The following GLRX2 variants were observed in gnomAD, a reference collection of about 807,000 sequenced individuals.
The protein encoded by GLRX2 is glutaredoxin 2.
A neutral mutation model predicts 16.4 loss-of-function variants in GLRX2; 12 were observed. That is an observed-to-expected ratio of 0.73 (90% CI 0.47 to 1.19). GLRX2 has a LOEUF of 1.19. Among genes scored for constraint, GLRX2 ranks in the 50% most tolerant of loss-of-function variants. GLRX2 has a pLI of 0.00. For missense variants in GLRX2, 201 were observed against 201.8 expected (o/e 1.00, Z 0.02); for synonymous variants, 95 against 76.2 (o/e 1.25, Z -1.28).
Position 193,101,195 on chromosome 1 carries a change from G to A in GLRX2, c.129C>T (p.Ser43=). The A allele has an allele frequency of 6.3e-7, 1 of 1,599,156 alleles. No individual in the cohort carries two copies. The highest frequency in any genetic ancestry group is 1.1e-5 in the South Asian group (1 of 90,742). ...AAAAAASGME[S]NTSSSLENLA... The stretch of plus-strand genomic sequence containing the variant: ...AATTCTCCAAAGATGATGATGTATT[G>A]CTCTCCATCCTAAAAGGAATTTAAG... The change falls in exon 2 of 4, where the codon AGC becomes AGT. Residue 43 remains serine, a synonymous_variant. Coordinates refer to ENST00000367439, the MANE Select transcript of GLRX2 (RefSeq NM_197962.3).
intron 1 of GLRX2, among the ~76,000 whole-genome samples, chr1:193,104,726 T>C (rs1185073909): frequency 6.6e-6 from 1 of 152,248 alleles, no homozygotes; most frequent in Non-Finnish European, 1.5e-5. Context: ...ATCCTCGGTC[T>C]AGCCGCAGGC....
At chr1:193,101,120 A>G (rs764897083) in intron 2 of GLRX2, 21 bp downstream of exon 2, 7 of 1,562,692 alleles carry the variant, frequency 4.5e-6, no homozygotes, top group Admixed American at 3.3e-5. Flanking sequence ...AAGTTTTTCA[A>G]TCATCTCCCA....
intron 1 of GLRX2, 91 bp from the exon 2 acceptor site, chr1:193,101,295 A>C: frequency 1.2e-6 from 1 of 819,434 alleles, no homozygotes; most frequent in Non-Finnish European, 2.0e-6. Flanking sequence ...TCTCATAAAC[A>C]AATATAGCCA....
chr1:193,096,471 A>C lies in GLRX2; in HGVS notation c.*154T>G. On this transcript the variant is annotated 3_prime_UTR_variant, in exon 4 of 4. Coordinates refer to ENST00000367439, the MANE Select transcript of GLRX2 (RefSeq NM_197962.3). ...TCAAGAATTGGCAAGTGGGAAGAAG[A>C]GGTTTCCACCGCAATTTATTGTTCA... is the stretch of plus-strand genomic sequence containing the variant. 2.2e-6 allele frequency: 1 copy of C among 451,164 alleles called. No individual in the cohort carries two copies. Among genetic ancestry groups the C allele is most frequent in the Non-Finnish European group, 3.9e-6 (1 of 256,940 alleles). The allele number at this position is 451,164 out of a possible 1,614,324, so 27.9% of individuals were successfully genotyped here.
At chr1:193,097,475 C>CT in intron 3 of GLRX2, 109 bp downstream of exon 3, 1 of 755,578 alleles carries the variant, frequency 1.3e-6, no homozygotes. Context: ...GCTGCTTTAT[C>CT]TATCCTCAGA....
rs747039040 is a variant in GLRX2 at position 193,097,602 on chromosome 1, T to C, written c.342A>G (p.Lys114=). ...YGNQFQDALY[K]MTGERTVPRI... ...TACTCACAGTTCTTTCACCAGTCAT[T>C]TTGTAAAGAGCATCTTGGAACTGGT... Residue 114 remains lysine (K), a synonymous_variant, in exon 3 of 4, where the codon AAA becomes AAG. Coordinates refer to ENST00000367439, the MANE Select transcript of GLRX2 (RefSeq NM_197962.3). 6 of 1,607,234 alleles carry C rather than the reference T, an allele frequency of 3.7e-6. No individual in the cohort carries two copies. The highest frequency in any genetic ancestry group is 4.2e-6 in the Non-Finnish European group (5 of 1,177,740).
chr1:193,104,611 GC>G (rs1675147188), intron 1 of GLRX2, among the ~76,000 whole-genome samples: 1 of 152,246 alleles, frequency 6.6e-6, no homozygotes. Flanking sequence ...CGGCAGGACC[GC>G]CAGGCACCAG....
upstream of GLRX2, chr1:193,105,674 A>T (rs1270911067): frequency 5.0e-6 from 8 of 1,586,772 alleles, 1 homozygote; most frequent in Admixed American, 1.4e-4. Context: ...AGGTTTAGGG[A>T]CGCTCATAAA....
At chr1:193,103,058 AT>A (rs1179532676) in intron 1 of GLRX2, among the ~76,000 whole-genome samples, 2 of 152,150 alleles carry the variant, frequency 1.3e-5, no homozygotes, top group Non-Finnish European at 2.9e-5. Flanking sequence ...GTCTTAAATA[AT>A]AATAATAATA....
At chr1:193,097,458 A>T (rs1674982396) in intron 3 of GLRX2, 126 bp downstream of exon 3, 1 of 619,070 alleles carries the variant, frequency 1.6e-6, no homozygotes, top group Admixed American at 3.1e-5. Flanking sequence ...TGGTTCCTAG[A>T]TCTGCAGCTG....
At chr1:193,103,425 T>C (rs766689560) in intron 1 of GLRX2, among the ~76,000 whole-genome samples, 1 of 152,210 alleles carries the variant, frequency 6.6e-6, no homozygotes, top group African/African-American at 2.4e-5. Context: ...TATGAGAAGA[T>C]TCAGCAAGGG....
rs149969776 is a variant in GLRX2, at chr1:193,102,205, T to G, written c.120-1001A>C. Among the ~76,000 whole-genome samples the G allele has an allele frequency of 3.9e-5, 6 of 152,328 alleles. No homozygotes were observed. The East Asian group carries it at 1.2e-3, about 29-fold the overall frequency. Reference sequence around the variant, plus strand: ...GTGATTATGTTATAAAACTCAAATATTCTGCCTTCAAATCAATACTGTATT... The same window carrying G: ...GTGATTATGTTATAAAACTCAAATAGTCTGCCTTCAAATCAATACTGTATT... On this transcript the variant is annotated intron_variant, in intron 1 of 3. Coordinates refer to ENST00000367439, the MANE Select transcript of GLRX2 (RefSeq NM_197962.3).
chr1:193,102,776 A>G (rs1675105301), intron 1 of GLRX2, among the ~76,000 whole-genome samples: 1 of 152,198 alleles, frequency 6.6e-6, no homozygotes, highest in Non-Finnish European at 1.5e-5. Flanking sequence ...CAGTTATCCA[A>G]GGTCAGCTGT....
Position 193,096,618 on chromosome 1 carries a change from A to G in GLRX2, c.*7T>C, listed in dbSNP as rs1276665688. 6.5e-7 allele frequency: 1 copy of G among 1,538,866 alleles called. No homozygotes were observed. Among genetic ancestry groups the G allele is most frequent in the East Asian group, 2.3e-5 (1 of 44,440 alleles). On this transcript the variant is annotated 3_prime_UTR_variant, in exon 4 of 4. Coordinates refer to ENST00000367439, the MANE Select transcript of GLRX2 (RefSeq NM_197962.3). ...ACACTGTACTAGCAAACTTATTAGT[A>G]TAAACATCACTGAAATTCTTTCCTC...
At chr1:193,099,485 C>A (rs940821262) in intron 2 of GLRX2, among the ~76,000 whole-genome samples, 1 of 152,162 alleles carries the variant, frequency 6.6e-6, no homozygotes, top group Non-Finnish European at 1.5e-5. Flanking sequence ...GGACTACAGA[C>A]ATGTGTCACC....
chr1:193,097,357 CATAA>C (rs1558265888), intron 3 of GLRX2, among the ~76,000 whole-genome samples: 2 of 152,172 alleles, frequency 1.3e-5, no homozygotes, highest in African/African-American at 4.8e-5. Context: ...GACAAGCACT[CATAA>C]TAACACTACT....
chr1:193,103,711 AG>A (rs995925853), intron 1 of GLRX2, among the ~76,000 whole-genome samples: 5 of 152,198 alleles, frequency 3.3e-5, no homozygotes, highest in Non-Finnish European at 7.3e-5. Flanking sequence ...AACAAAGAAG[AG>A]TAAGAGACAG....
At chr1:193,102,301 T>C (rs1242597514) in intron 1 of GLRX2, among the ~76,000 whole-genome samples, 1 of 152,142 alleles carries the variant, frequency 6.6e-6, no homozygotes, top group Non-Finnish European at 1.5e-5. Flanking sequence ...TTATGTTTTG[T>C]TTAATTTTTG....
At chr1:193,103,660 A>G (rs1675124569) in intron 1 of GLRX2, among the ~76,000 whole-genome samples, 1 of 152,212 alleles carries the variant, frequency 6.6e-6, no homozygotes, top group Admixed American at 6.5e-5. Context: ...CAGCTCACCT[A>G]GAGTGAGGAA....
Sources: gnomAD v4.1 joint callset for allele counts (sites outside exome capture counted in the v4.1 genomes callset) on GRCh38, gnomAD v4.1.1 for gene constraint, MANE v1.5 for transcripts, NCBI Gene and HGNC (gene_info 2026-07-23, HGNC 2026-07-21) for gene names.